OSBP: variants seen among roughly 807,000 people sequenced by gnomAD.
The protein encoded by OSBP is oxysterol-binding protein 1.
OSBP carries 32 observed loss-of-function variants against 96.6 expected under a neutral mutation model. The ratio of observed to expected loss-of-function variants is 0.33; its 90% CI spans 0.25 to 0.45. The LOEUF (loss-of-function observed/expected upper bound fraction) is 0.45, where lower values mean the gene tolerates loss of function less well. OSBP is among the 20% of genes least tolerant of loss of function. OSBP has a pLI of 1.00. For synonymous variants in OSBP, 369 were observed against 389.6 expected (o/e 0.95, Z 0.62); for missense variants, 653 against 1,029.7 (o/e 0.63, Z 5.01).
intron 1 of OSBP, among the ~76,000 whole-genome samples, chr11:59,611,400 A>G (rs910766260): frequency 6.6e-6 from 1 of 152,166 alleles, no homozygotes; most frequent in Non-Finnish European, 1.5e-5. Flanking sequence ...CTCATGCAAC[A>G]ATCTCATTTC....
chr11:59,612,888 G>A (rs1303433903), intron 1 of OSBP, among the ~76,000 whole-genome samples: 1 of 152,160 alleles, frequency 6.6e-6, no homozygotes, highest in Admixed American at 6.5e-5. Flanking sequence ...CTAAGTAACT[G>A]GGTACGTAAG....
chr11:59,600,748 A>C, intron 6 of OSBP, 71 bp downstream of exon 6: 1 of 1,467,214 alleles, frequency 6.8e-7, no homozygotes, highest in Non-Finnish European at 9.3e-7. Context: ...CACTTCACAA[A>C]AAAAAAAAAA....
chr11:59,606,509 ACAAT>A (rs1860782896), intron 3 of OSBP, among the ~76,000 whole-genome samples: 1 of 152,090 alleles, frequency 6.6e-6, no homozygotes, highest in African/African-American at 2.4e-5. Context: ...AAAGACAGAA[ACAAT>A]AAACACTAGG....
intron 7 of OSBP, 63 bp downstream of exon 7, chr11:59,600,433 C>A (rs1488609244): frequency 1.9e-6 from 3 of 1,575,576 alleles, no homozygotes; most frequent in Non-Finnish European, 2.6e-6. Flanking sequence ...GTCATATCAG[C>A]ACTCTTCCCA....
chr11:59,610,017 T>C (rs1195930214), intron 2 of OSBP, among the ~76,000 whole-genome samples: 3 of 152,202 alleles, frequency 2.0e-5, no homozygotes, highest in Admixed American at 6.5e-5. Flanking sequence ...GAACAACTGT[T>C]ACGCCTCTAG....
Position 59,601,368 on chromosome 11 carries a change from TGCCAGA to T in OSBP, c.1033_1038del (p.Ser345_Gly346del). Reference sequence around the variant, plus strand: ...TCATCTTCATCGCTCATGTCCCCTTTGCCAGAGCAGCACTGATCTACAAGAAGAAAA... The same window carrying T: ...TCATCTTCATCGCTCATGTCCCCTTTGCAGCACTGATCTACAAGAAGAAAA... On this transcript the variant is annotated inframe_deletion, in exon 5 of 14. Transcript: ENST00000263847. 6.2e-7 allele frequency: 1 copy of T among 1,611,836 alleles called. No individual in the cohort carries two copies. The highest frequency in any genetic ancestry group is 1.1e-5 in the South Asian group (1 of 91,022).
At chr11:59,598,507 C>T (rs929485525) in intron 7 of OSBP, among the ~76,000 whole-genome samples, 1 of 152,302 alleles carries the variant, frequency 6.6e-6, no homozygotes, top group South Asian at 2.1e-4. Context: ...CATTTCTAGC[C>T]TTCTCTCCAG....
intron 3 of OSBP, among the ~76,000 whole-genome samples, chr11:59,608,254 T>C (rs1860807339): frequency 6.6e-6 from 1 of 152,172 alleles, no homozygotes; most frequent in Non-Finnish European, 1.5e-5. Flanking sequence ...GACTCCTGAT[T>C]CCCAGCTGCA....
At chr11:59,593,169 C>T (rs971969627) in intron 9 of OSBP, among the ~76,000 whole-genome samples, 8 of 152,068 alleles carry the variant, frequency 5.3e-5, no homozygotes, top group Non-Finnish European at 1.0e-4. Flanking sequence ...ATACCTAACC[C>T]ATCAGGTGGA....
At chr11:59,584,990 C>T (rs888915524) in intron 9 of OSBP, among the ~76,000 whole-genome samples, 1 of 152,206 alleles carries the variant, frequency 6.6e-6, no homozygotes, top group Non-Finnish European at 1.5e-5. Context: ...TCGCTACAAC[C>T]TCCACCTCCC....
intron 1 of OSBP, among the ~76,000 whole-genome samples, chr11:59,612,108 C>G (rs1339636064): frequency 2.0e-5 from 3 of 152,194 alleles, no homozygotes; most frequent in Non-Finnish European, 2.9e-5. Flanking sequence ...TTCCTGCATG[C>G]CAGAAATGGC....
chr11:59,594,098 C>T lies in OSBP; in HGVS notation c.1469G>A (p.Arg490His), dbSNP rs1308041218. Residue 490 changes from arginine to histidine, a missense_variant, in exon 8 of 14, where the codon CGC (arginine) becomes CAC (histidine). Arg to His is a conservative substitution (Grantham distance 29, BLOSUM62 0). Around this residue, in one of 6 missense-constraint regions of OSBP, gnomAD observed 308 missense variants for 573.1 expected, o/e 0.54. Coordinates refer to ENST00000263847, the MANE Select transcript of OSBP (RefSeq NM_002556.3). ...TVSSYSTTVF[R>H]TSKPFNPLLG... ...CAGTGGGTTGAATGGCTTACTGGTG[C>T]GGAAGACAGTAGTGGAGTAGGAGGA... is the stretch of plus-strand genomic sequence containing the variant. 6.2e-7 allele frequency: 1 copy of T among 1,614,006 alleles called. No homozygotes were observed. The highest frequency in any genetic ancestry group is 8.5e-7 in the Non-Finnish European group (1 of 1,179,980).
Position 59,576,608 on chromosome 11 carries a change from T to C in OSBP, c.2393A>G (p.Gln798Arg). The C allele has an allele frequency of 1.2e-6, 2 of 1,613,970 alleles. No homozygotes were observed. The highest frequency in any genetic ancestry group is 1.6e-4 in the Middle Eastern group (1 of 6,062). The change falls in exon 14 of 14, where the codon CAG becomes CGG. Residue 798 changes from glutamine (Q) to arginine (R), a missense_variant. Gln to Arg is a conservative substitution (Grantham distance 43). This residue lies in a region of OSBP where 169 missense variants were observed against 251.5 expected (regional missense o/e 0.67). Coordinates refer to ENST00000263847, the MANE Select transcript of OSBP (RefSeq NM_002556.3). Reference sequence around the variant, plus strand: ...AATGTCCGGGCATGAGCTCCAGTCCTGTTTTTCTTTACACTCCCAGTATTC... The same window carrying C: ...AATGTCCGGGCATGAGCTCCAGTCCCGTTTTTCTTTACACTCCCAGTATTC... Reference protein sequence around the residue: ...RGEYWECKEKQDWSSCPDIF With the variant: ...RGEYWECKEKRDWSSCPDIF
At chr11:59,609,951 C>T (rs1157691652) in intron 2 of OSBP, among the ~76,000 whole-genome samples, 2 of 152,076 alleles carry the variant, frequency 1.3e-5, no homozygotes, top group East Asian at 3.9e-4. Context: ...CAAGACTGGC[C>T]CACCAATAAA....
At chr11:59,602,452 A>C (rs936493974) in intron 3 of OSBP, among the ~76,000 whole-genome samples, 17 of 152,160 alleles carry the variant, frequency 1.1e-4, no homozygotes, top group Non-Finnish European at 2.1e-4. Flanking sequence ...TAGAGAAAAA[A>C]CCCACAAATA....
chr11:59,612,934 G>A (rs1177656097), intron 1 of OSBP, among the ~76,000 whole-genome samples: 1 of 152,134 alleles, frequency 6.6e-6, no homozygotes, highest in African/African-American at 2.4e-5. Flanking sequence ...GGTTTGCCAA[G>A]GCCTATTAGG....
At chr11:59,599,532 C>T (rs1464923202) in intron 7 of OSBP, among the ~76,000 whole-genome samples, 1 of 152,064 alleles carries the variant, frequency 6.6e-6, no homozygotes, top group Admixed American at 6.6e-5. Flanking sequence ...AAATAGTAGG[C>T]ACCCAGAAAA....
chr11:59,583,662 G>A (rs547464715), intron 9 of OSBP, among the ~76,000 whole-genome samples: 1 of 62,078 alleles, frequency 1.6e-5, no homozygotes, highest in Non-Finnish European at 2.8e-5. Context: ...TTTTTTTTTC[G>A]AGATGGAGTC....
chr11:59,587,344 T>C (rs1860512079), intron 9 of OSBP, among the ~76,000 whole-genome samples: 1 of 151,816 alleles, frequency 6.6e-6, no homozygotes, highest in East Asian at 1.9e-4. Context: ...CTACTAAAAA[T>C]ACAAAAAATT....
Sources: gnomAD v4.1 joint callset for allele counts (sites outside exome capture counted in the v4.1 genomes callset) on GRCh38, gnomAD v4.1.1 for gene constraint, gnomAD v4.1.1 regional missense constraint, MANE v1.5 for transcripts, NCBI Gene and HGNC (gene_info 2026-07-23, HGNC 2026-07-21) for gene names.